Variants in FAT3 observed in about 807,000 individuals in gnomAD.
The protein encoded by FAT3 is protocadherin Fat 3.
Under a neutral mutation model 310.2 loss-of-function variants are expected in FAT3, and 95 were observed. That is an observed-to-expected ratio of 0.31 (90% confidence interval 0.26 to 0.36). The LOEUF (loss-of-function observed/expected upper bound fraction) is 0.36, where lower values mean the gene tolerates loss of function less well. FAT3 is among the 10% of genes least tolerant of loss of function. The probability of loss-of-function intolerance (pLI) is 1.00; values close to 1 mark genes in which losing one functional copy is unlikely to be tolerated. For synonymous variants in FAT3, 2,314 were observed against 2,192.9 expected (o/e 1.06, Z -1.54); for missense variants, 5,408 against 5,715.6 (o/e 0.95, Z 1.74).
At chr11:92,343,542 A>G (rs1403116613) in intron 1 of FAT3, among the ~76,000 whole-genome samples, 1 of 152,212 alleles carries the variant, frequency 6.6e-6, no homozygotes, top group Non-Finnish European at 1.5e-5. Flanking sequence ...AAACTAGATA[A>G]GAAAAATTAT....
intron 4 of FAT3, among the ~76,000 whole-genome samples, chr11:92,707,058 A>G (rs1160128097): frequency 6.6e-6 from 1 of 152,246 alleles, no homozygotes; most frequent in East Asian, 1.9e-4. Flanking sequence ...GCTGCAGGCA[A>G]ACACTTATAT....
At chr11:92,510,635 C>T (rs1209752899) in intron 2 of FAT3, among the ~76,000 whole-genome samples, 2 of 152,170 alleles carry the variant, frequency 1.3e-5, no homozygotes, top group East Asian at 3.9e-4. Context: ...TACAGAACAT[C>T]ATGGCCAAGG....
At chr11:92,591,427 G>A (rs1405311706) in intron 3 of FAT3, among the ~76,000 whole-genome samples, 1 of 152,098 alleles carries the variant, frequency 6.6e-6, no homozygotes, top group Non-Finnish European at 1.5e-5. Context: ...GAAGTATTTA[G>A]GAACACTGTG....
chr11:92,559,525 T>C (rs1461089127), intron 3 of FAT3: 1 of 338,912 alleles, frequency 3.0e-6, no homozygotes, highest in Non-Finnish European at 5.9e-6. Context: ...GCTGGGACTA[T>C]AGGCATGCAC....
intron 6 of FAT3, among the ~76,000 whole-genome samples, chr11:92,767,042 A>C (rs968629753): frequency 2.0e-5 from 3 of 152,170 alleles, no homozygotes; most frequent in African/African-American, 7.2e-5. Flanking sequence ...TGAGGTCAGA[A>C]GTTCGAGACC....
At chr11:92,275,956 T>TTATGTATGTGATACATATAAAA (rs1554997022) in intron 1 of FAT3, among the ~76,000 whole-genome samples, 4 of 150,872 alleles carry the variant, frequency 2.7e-5, no homozygotes, top group South Asian at 2.1e-4. Flanking sequence ...TTGATCACGT[T>TTATGTATGTGATACATATAAAA]TATGTGTGTG....
chr11:92,822,301 G>A (rs889068923), intron 13 of FAT3, among the ~76,000 whole-genome samples: 2 of 151,216 alleles, frequency 1.3e-5, no homozygotes, highest in Non-Finnish European at 2.9e-5. Context: ...CTCATTTGTA[G>A]ACGCCACAGG....
In FAT3 at chr11:92,831,873, G is replaced by A. The variant is rs1490545285; in HGVS notation, c.9733G>A (p.Val3245Met). 1 of 1,613,490 alleles carries A rather than the reference G, an allele frequency of 6.2e-7. No homozygotes were observed. The highest frequency in any genetic ancestry group is 1.7e-4 in the Middle Eastern group (1 of 6,060). ...VFERRDYLVT[V>M]PEDTSPGTQV... ...TGAGAGGAGGGACTACCTGGTGACG[G>A]TGCCTGAGGACACCTCCCCTGGCAC... The change falls in exon 14 of 28, where the codon GTG becomes ATG. Residue 3245 changes from valine to methionine, a missense_variant. Physicochemically the swap from Val to Met is conservative, Grantham distance 21. Around this residue, in one of 5 missense-constraint regions of FAT3, gnomAD observed 4,588 missense variants for 4,809.8 expected, o/e 0.95. Coordinates refer to ENST00000525166, the MANE Select transcript of FAT3 (RefSeq NM_001367949.2).
At chr11:92,442,338 C>A (rs1440499675) in intron 2 of FAT3, among the ~76,000 whole-genome samples, 1 of 150,224 alleles carries the variant, frequency 6.7e-6, no homozygotes, top group Non-Finnish European at 1.5e-5. Flanking sequence ...TGGTCTCGAT[C>A]TCCTGACCTT....
intron 19 of FAT3, among the ~76,000 whole-genome samples, chr11:92,846,557 A>C (rs1948688957): frequency 6.6e-6 from 1 of 152,190 alleles, no homozygotes; most frequent in South Asian, 2.1e-4. Context: ...CAGACTGAAT[A>C]ATTCTTTAAA....
intron 19 of FAT3, 73 bp from the exon 20 acceptor site, chr11:92,857,141 C>G: frequency 6.2e-7 from 1 of 1,608,350 alleles, no homozygotes; most frequent in East Asian, 2.2e-5. Flanking sequence ...CCCTTTGAAC[C>G]TTTTCTATCT....
chr11:92,287,339 TA>T (rs1262448501), intron 1 of FAT3, among the ~76,000 whole-genome samples: 1 of 152,158 alleles, frequency 6.6e-6, no homozygotes, highest in Non-Finnish European at 1.5e-5. Context: ...AAGTGGTGTT[TA>T]AAAATCTACA....
chr11:92,733,827 C>A lies in FAT3; in HGVS notation c.3670-28029C>A, dbSNP rs149971012. Among the ~76,000 whole-genome samples, 1,110 of 152,266 alleles carry A rather than the reference C, an allele frequency of 7.3e-3. 15 individuals carry two copies. The highest frequency in any genetic ancestry group is 0.025 in the African/African-American group (1,049 of 41,556). ...GTAGGTACAGATTTGGGAATCCTCACAATAGAGATGATTGTTTAGGGGTAT... is the reference window on the plus strand; with the variant it reads ...GTAGGTACAGATTTGGGAATCCTCAAAATAGAGATGATTGTTTAGGGGTAT... On this transcript the variant is annotated intron_variant, in intron 4 of 27. Coordinates refer to ENST00000525166, the MANE Select transcript of FAT3 (RefSeq NM_001367949.2).
At chr11:92,385,313 G>A (rs1029233840) in intron 2 of FAT3, among the ~76,000 whole-genome samples, 18 of 152,152 alleles carry the variant, frequency 1.2e-4, no homozygotes, top group African/African-American at 4.3e-4. Flanking sequence ...CGTAGGTAGA[G>A]AGTCTAGAAG....
At chr11:92,245,988 C>G (rs1016344133) in intron 1 of FAT3, among the ~76,000 whole-genome samples, 2 of 152,074 alleles carry the variant, frequency 1.3e-5, no homozygotes, top group African/African-American at 4.8e-5. Flanking sequence ...TCACTCTCAT[C>G]TCCTGTCAGC....
Position 92,724,457 on chromosome 11 carries a change from A to C in FAT3, c.3669+27012A>C, listed in dbSNP as rs1430341506. On this transcript the variant is annotated intron_variant, in intron 4 of 27. Coordinates refer to ENST00000525166, the MANE Select transcript of FAT3 (RefSeq NM_001367949.2). ...GAAATAAAATTCACCTATTGATAGG[A>C]GGAGCTGCAAGATTTGATGGATATT... is the stretch of plus-strand genomic sequence containing the variant. 2.0e-5 allele frequency among the ~76,000 whole-genome samples: 3 copies of C among 152,196 alleles called. No individual in the cohort carries two copies. The South Asian group carries it at 6.2e-4, about 32-fold the overall frequency.
intron 1 of FAT3, among the ~76,000 whole-genome samples, chr11:92,304,985 C>T (rs1947084788): frequency 6.6e-6 from 1 of 152,144 alleles, no homozygotes; most frequent in South Asian, 2.1e-4. Flanking sequence ...ATGAGACCTG[C>T]TGGATATGTC....
intron 1 of FAT3, among the ~76,000 whole-genome samples, chr11:92,328,682 A>G (rs1278197183): frequency 6.6e-6 from 1 of 152,182 alleles, no homozygotes; most frequent in Non-Finnish European, 1.5e-5. Flanking sequence ...TAGGGGACAT[A>G]ATGACTTTAG....
intron 1 of FAT3, among the ~76,000 whole-genome samples, chr11:92,262,527 A>G (rs1865598519): frequency 6.6e-6 from 1 of 152,116 alleles, no homozygotes; most frequent in South Asian, 2.1e-4. Flanking sequence ...CAGAACTCAG[A>G]AAAGAGCAGC....
Sources: allele counts gnomAD v4.1 joint callset (sites outside exome capture counted in the v4.1 genomes callset), GRCh38; gene constraint gnomAD v4.1.1; regional missense constraint gnomAD v4.1.1; transcripts MANE v1.5; gene names NCBI Gene and HGNC (gene_info 2026-07-23, HGNC 2026-07-21).